SH2B1: variants seen among roughly 807,000 people sequenced by gnomAD.
SH2B1 encodes the protein SH2B adaptor protein 1.
SH2B1 carries 15 observed loss-of-function variants against 62.6 expected under a neutral mutation model. The ratio of observed to expected loss-of-function variants is 0.24; its 90% CI spans 0.16 to 0.37. The LOEUF is 0.37. SH2B1 is among the 10% of genes least tolerant of loss of function. The pLI, the probability that SH2B1 is intolerant of heterozygous loss-of-function variation, is 1.00. For missense variants in SH2B1, 925 were observed against 1,015.6 expected (o/e 0.91, Z 1.21); for synonymous variants, 443 against 438.0 (o/e 1.01, Z -0.14).
chr16:28,868,722 C>G lies in SH2B1; in HGVS notation c.1042-284C>G, dbSNP rs968370030. ...CCACCCTCCTTGGCCTCTCAAAGTG[C>G]TGGGATTACAGGTGTGAGCCATCGT... On this transcript the variant is annotated intron_variant, in intron 2 of 7. Transcript: ENST00000684370. Among the ~76,000 whole-genome samples, 133 of 152,092 alleles carry G rather than the reference C, an allele frequency of 8.7e-4. 1 individual carries two copies. Among genetic ancestry groups the G allele is most frequent in the Admixed American group, 8.5e-3 (130 of 15,262 alleles).
In SH2B1 at chr16:28,873,995, G is replaced by C. The variant is rs1023300071; in HGVS notation, c.*175G>C. On this transcript the variant is annotated 3_prime_UTR_variant, in exon 8 of 8. Transcript: ENST00000684370. This position sits in a 1 kb window ranked among gnomAD's most constrained non-coding sequence, Gnocchi z 4.2. ...GGAGAGGCTCCCGTCACACACTACA[G>C]GTCCCCTCCCCAGGGCAGGGGATTT... The C allele has an allele frequency of 1.9e-6, 1 of 535,472 alleles. No homozygotes were observed. Among genetic ancestry groups the C allele is most frequent in the South Asian group, 7.3e-5 (1 of 13,786 alleles). 33.2% of individuals were successfully genotyped at this position (535,472 alleles called of 1,614,324 possible). A position where few individuals can be genotyped will look rare whatever the true frequency, so the allele number is the denominator to read the frequency against.
chr16:28,865,736 GA>G lies in SH2B1; in HGVS notation c.-357del. 9.5e-7 allele frequency: 1 copy of G among 1,049,210 alleles called. No individual in the cohort carries two copies. Among genetic ancestry groups the G allele is most frequent in the Non-Finnish European group, 1.1e-6 (1 of 872,258 alleles). 65.0% of individuals were successfully genotyped at this position (1,049,210 alleles called of 1,614,324 possible). On this transcript the variant is annotated 5_prime_UTR_variant, in exon 1 of 8. Transcript: ENST00000684370. The stretch of plus-strand genomic sequence containing the variant: ...CTGGAAAAGTTCCCTTTTTTAGGGG[GA>G]AGGTGCTCCAAAGCCCTCTACTGCT...
upstream of SH2B1, among the ~76,000 whole-genome samples, chr16:28,858,943 C>CAA (rs141782037): frequency 2.0e-3 from 208 of 104,508 alleles, 5 homozygotes; most frequent in South Asian, 0.018. Context: ...GACTGTTTCT[C>CAA]AAAAAAAAAA....
intron 1 of SH2B1, among the ~76,000 whole-genome samples, chr16:28,854,280 G>A (rs540179162): frequency 1.3e-5 from 2 of 152,138 alleles, no homozygotes; most frequent in Admixed American, 6.6e-5. Flanking sequence ...CAGCATGGGT[G>A]ACAGAGCAAG....
upstream of SH2B1, among the ~76,000 whole-genome samples, chr16:28,860,671 C>T (rs1387231053): frequency 6.6e-6 from 1 of 152,166 alleles, no homozygotes; most frequent in Non-Finnish European, 1.5e-5. Flanking sequence ...TGGCAGCACA[C>T]CCTGTGATCC....
chr16:28,853,231 A>AT (rs1962247725), intron 1 of SH2B1, among the ~76,000 whole-genome samples: 2 of 143,038 alleles, frequency 1.4e-5, no homozygotes, highest in African/African-American at 2.6e-5. Context: ...ATATATAAAT[A>AT]TATATATATA....
At chr16:28,869,425 C>G (rs1416221787) in intron 4 of SH2B1, 42 bp downstream of exon 4, 3 of 1,568,898 alleles carry the variant, frequency 1.9e-6, no homozygotes, top group Non-Finnish European at 2.6e-6. Flanking sequence ...TCGGAACCTG[C>G]CATGCGGGGC....
At chr16:28,871,372 G>A (rs992508688) in intron 4 of SH2B1, among the ~76,000 whole-genome samples, 7 of 152,086 alleles carry the variant, frequency 4.6e-5, no homozygotes, top group Non-Finnish European at 1.0e-4. Flanking sequence ...GGTGGCTCAC[G>A]CCTGTAATCC....
rs768056949 is a variant in SH2B1 at position 28,866,151 on chromosome 16, C to T, written c.57C>T (p.Pro19=). The change falls in exon 1 of 8, where the codon CCC becomes CCT. Residue 19 remains proline (P), a synonymous_variant. Transcript: ENST00000684370. The surrounding 1 kb of genome is among the most constrained non-coding windows in gnomAD (Gnocchi z 6.3). ...DGASPSSPPL[P]PPPPPSWREF... ...CCTCCCCCTCGTCTCCCCCGCTGCC[C>T]CCACCCCCGCCCCCTAGTTGGCGGG... 1.9e-5 allele frequency: 30 copies of T among 1,550,248 alleles called. No individual in the cohort carries two copies. Among genetic ancestry groups the T allele is most frequent in the Non-Finnish European group, 1.7e-6 (2 of 1,149,220 alleles).
Position 28,865,227 on chromosome 16 carries a change from T to A in SH2B1, c.-868T>A, listed in dbSNP as rs1263554934. On this transcript the variant is annotated 5_prime_UTR_variant, in exon 1 of 8. Coordinates refer to ENST00000684370, the MANE Select transcript of SH2B1 (RefSeq NM_001387430.1). Reference sequence around the variant, plus strand: ...AACCCAGTTTCTCCTCTGGGGCCCCTGCGGCCTCTGGCCCCAGACTGAAGG... The same window carrying A: ...AACCCAGTTTCTCCTCTGGGGCCCCAGCGGCCTCTGGCCCCAGACTGAAGG... 1 of 985,510 alleles carries A rather than the reference T, an allele frequency of 1.0e-6. No individual in the cohort carries two copies. Among genetic ancestry groups the A allele is most frequent in the East Asian group, 1.1e-4 (1 of 8,956 alleles). The allele number at this position is 985,510 out of a possible 1,614,324, so 61.0% of individuals were successfully genotyped here. A position where few individuals can be genotyped will look rare whatever the true frequency, so the allele number is the denominator to read the frequency against.
intron 1 of SH2B1, among the ~76,000 whole-genome samples, chr16:28,852,304 A>G (rs1393777693): frequency 1.6e-5 from 1 of 60,650 alleles, no homozygotes; most frequent in African/African-American, 6.5e-5. Context: ...ATATATTTAC[A>G]TATATATATT....
intron 1 of SH2B1, among the ~76,000 whole-genome samples, chr16:28,855,225 T>C (rs562307162): frequency 6.6e-6 from 1 of 151,862 alleles, no homozygotes; most frequent in Non-Finnish European, 1.5e-5. Flanking sequence ...GATTGTTTCT[T>C]TTTTTAATTG....
In SH2B1 at chr16:28,852,577, TA is replaced by T. The variant is rs1341830780; in HGVS notation, c.-301+5751del. On this transcript the variant is annotated intron_variant, in intron 1 of 10. Transcript: ENST00000322610. ...ACATATTTATATATATACACATATA[TA>T]TTTATATATATACACATATATATTT... Among the ~76,000 whole-genome samples the T allele has an allele frequency of 2.6e-4, 17 of 64,698 alleles. 5 individuals carry two copies. Among genetic ancestry groups the T allele is most frequent in the African/African-American group, 1.3e-3 (17 of 13,376 alleles). The allele number at this position is 64,698 out of a possible 152,430, so 42.4% of individuals were successfully genotyped here. A position where few individuals can be genotyped will look rare whatever the true frequency, so the allele number is the denominator to read the frequency against.
chr16:28,853,115 T>C (rs1173409511), intron 1 of SH2B1, among the ~76,000 whole-genome samples: 3 of 127,198 alleles, frequency 2.4e-5, no homozygotes, highest in African/African-American at 6.1e-5. Context: ...TATATACATT[T>C]ATATATATTT....
chr16:28,852,838 A>ATTTT (rs1474890020), intron 1 of SH2B1, among the ~76,000 whole-genome samples: 48 of 46,952 alleles, frequency 1.0e-3, no homozygotes, highest in African/African-American at 4.1e-3. Context: ...TTATATATAT[A>ATTTT]TACATATATA....
In SH2B1 at chr16:28,865,459, C is replaced by CA. The variant is rs1456274820; in HGVS notation, c.-636_-635insA. 6 of 985,602 alleles carry CA rather than the reference C, an allele frequency of 6.1e-6. No individual in the cohort carries two copies. The highest frequency in any genetic ancestry group is 7.2e-6 in the Non-Finnish European group (6 of 829,964). 61.1% of individuals were successfully genotyped at this position (985,602 alleles called of 1,614,324 possible). On this transcript the variant is annotated 5_prime_UTR_variant, in exon 1 of 8. Coordinates refer to ENST00000684370, the MANE Select transcript of SH2B1 (RefSeq NM_001387430.1). ...TCTAGAATCCCAGCTCCTCTCTAGCCCCCTGCGAGCTGGGGCGGTGAGGTG... is the reference window on the plus strand; with the variant it reads ...TCTAGAATCCCAGCTCCTCTCTAGCCACCCTGCGAGCTGGGGCGGTGAGGTG...
intron 1 of SH2B1, among the ~76,000 whole-genome samples, chr16:28,852,500 TTATATATA>T (rs1219450278): frequency 6.8e-4 from 20 of 29,530 alleles, no homozygotes; most frequent in Non-Finnish European, 8.3e-4. Context: ...ATACATATAT[TTATATATA>T]TACACATATA....
rs1379797580 is a variant in SH2B1 at position 28,865,705 on chromosome 16, G to A, written c.-390G>A. The stretch of plus-strand genomic sequence containing the variant: ...ATTGGAGGATCCGATGTAGAGGGGG[G>A]GTGATCTGGAAAAGTTCCCTTTTTT... On this transcript the variant is annotated 5_prime_UTR_variant, in exon 1 of 8. Coordinates refer to ENST00000684370, the MANE Select transcript of SH2B1 (RefSeq NM_001387430.1). 3.7e-5 allele frequency: 38 copies of A among 1,018,624 alleles called. No homozygotes were observed. Among genetic ancestry groups the A allele is most frequent in the Non-Finnish European group, 4.5e-5 (38 of 852,570 alleles). The allele number at this position is 1,018,624 out of a possible 1,614,324, so 63.1% of individuals were successfully genotyped here.
At position 28,872,263 on chromosome 16, in the gene SH2B1, C is replaced by T. The variant is rs558908130; in HGVS notation, c.1587C>T (p.His529=). The change falls in exon 6 of 8, where the codon CAC becomes CAT. Residue 529 remains histidine, a synonymous_variant. Coordinates refer to ENST00000684370, the MANE Select transcript of SH2B1 (RefSeq NM_001387430.1). The surrounding 1 kb of genome is among the most constrained non-coding windows in gnomAD (Gnocchi z 5.3). Reference sequence around the variant, plus strand: ...CCCTCTCAGGGTATCCTTGGTTCCACGGGATGCTCTCTCGGCTCAAGGCTG... The same window carrying T: ...CCCTCTCAGGGTATCCTTGGTTCCATGGGATGCTCTCTCGGCTCAAGGCTG... ...DQPLSGYPWF[H]GMLSRLKAAQ... 6.0e-5 allele frequency: 97 copies of T among 1,614,056 alleles called. No homozygotes were observed. The South Asian group carries it at 7.6e-4, about 13-fold the overall frequency.
Sources: gnomAD v4.1 joint callset for allele counts (sites outside exome capture counted in the v4.1 genomes callset) on GRCh38, gnomAD v4.1.1 for gene constraint, Gnocchi (gnomAD v3.1) non-coding constraint, MANE v1.5 for transcripts, NCBI Gene and HGNC (gene_info 2026-07-23, HGNC 2026-07-21) for gene names.